RRM2B: variants seen among roughly 807,000 people sequenced by gnomAD.
RRM2B encodes the protein ribonucleotide reductase regulatory TP53 inducible subunit M2B, also known as ribonucleoside-diphosphate reductase subunit M2 B.
RRM2B carries 20 observed loss-of-function variants against 45.9 expected under a neutral mutation model. That is an observed-to-expected ratio of 0.44 (90% CI 0.31 to 0.63). The LOEUF (loss-of-function observed/expected upper bound fraction) is 0.63, where lower values mean the gene tolerates loss of function less well. Among genes scored for constraint, RRM2B ranks in the 30% least tolerant of loss-of-function variants. RRM2B has a pLI of 0.09. For missense variants in RRM2B, 320 were observed against 414.7 expected, an observed-to-expected ratio of 0.77 and a Z score of 1.98; for synonymous variants, 124 against 132.3, an observed-to-expected ratio of 0.94 and a Z score of 0.43.
Position 102,214,342 on chromosome 8 carries a change from C to A in RRM2B, c.685-184G>T. The A allele has an allele frequency of 6.5e-6, 4 of 612,640 alleles. No homozygotes were observed. The South Asian group carries it at 6.9e-5, about 11-fold the overall frequency. 38.0% of individuals were successfully genotyped at this position (612,640 alleles called of 1,614,324 possible). ...ATCTCATTAAATGCCAATACAATAA[C>A]CTATAATAAAAATTTTCAATGCCAG... On this transcript the variant is annotated intron_variant, in intron 6 of 8. Transcript: ENST00000251810.
intron 8 of RRM2B, among the ~76,000 whole-genome samples, chr8:102,209,407 G>C (rs1415045576): frequency 6.6e-6 from 1 of 152,124 alleles, no homozygotes; most frequent in Non-Finnish European, 1.5e-5. Context: ...TTATCCATTA[G>C]AGACATGCAA....
At chr8:102,229,044 A>G (rs1199662586) in intron 2 of RRM2B, among the ~76,000 whole-genome samples, 1 of 152,214 alleles carries the variant, frequency 6.6e-6, no homozygotes, top group East Asian at 1.9e-4. Flanking sequence ...TCATGAGGTC[A>G]AGAGATTGAG....
chr8:102,237,076 C>T (rs886147295), intron 1 of RRM2B, among the ~76,000 whole-genome samples: 4 of 152,192 alleles, frequency 2.6e-5, no homozygotes, highest in African/African-American at 9.6e-5. Flanking sequence ...CAAAGTCTGA[C>T]GGAACCAATG....
intron 5 of RRM2B, 76 bp from the exon 6 acceptor site, chr8:102,219,023 C>A (rs1169489512): frequency 7.3e-7 from 1 of 1,368,716 alleles, no homozygotes; most frequent in African/African-American, 1.4e-5. Flanking sequence ...ACATATATAA[C>A]AATAAATACC....
intron 6 of RRM2B, among the ~76,000 whole-genome samples, chr8:102,217,594 C>A (rs1810752540): frequency 6.6e-6 from 1 of 152,054 alleles, no homozygotes; most frequent in African/African-American, 2.4e-5. Flanking sequence ...AACTGAATGG[C>A]TATAATAGCC....
intron 8 of RRM2B, among the ~76,000 whole-genome samples, chr8:102,208,700 T>A (rs1024610558): frequency 6.6e-6 from 1 of 152,346 alleles, no homozygotes; most frequent in South Asian, 2.1e-4. Context: ...TGGTTCTAAG[T>A]ATGTTTCTTA....
chr8:102,234,403 G>A (rs1811082691), intron 1 of RRM2B, among the ~76,000 whole-genome samples: 1 of 152,128 alleles, frequency 6.6e-6, no homozygotes, highest in African/African-American at 2.4e-5. Context: ...GGCTAGAGAT[G>A]ACGTATTATT....
chr8:102,215,875 G>A (rs1342895378), intron 6 of RRM2B, among the ~76,000 whole-genome samples: 3 of 145,804 alleles, frequency 2.1e-5, no homozygotes, highest in Non-Finnish European at 4.5e-5. Flanking sequence ...AGCCCAGGAG[G>A]TCAAAGCTAC....
intron 2 of RRM2B, among the ~76,000 whole-genome samples, chr8:102,226,966 G>A (rs1401638354): frequency 5.9e-5 from 9 of 151,888 alleles, no homozygotes; most frequent in African/African-American, 1.9e-4. Flanking sequence ...TGTTTGCCTC[G>A]GCCTCCCAAA....
Position 102,232,186 on chromosome 8 carries a change from T to C in RRM2B, c.167A>G (p.Tyr56Cys), listed in dbSNP as rs1811042597. Residue 56 changes from tyrosine to cysteine, a missense_variant, in exon 2 of 9, where the codon TAT (tyrosine) becomes TGT (cysteine). Physicochemically the swap from Tyr to Cys is radical, Grantham distance 194. Around this residue, in one of 3 missense-constraint regions of RRM2B, gnomAD observed 225 missense variants for 289.4 expected, o/e 0.78. Transcript: ENST00000251810. Reference sequence around the variant, plus strand: ...CCAGAAGGAAGCCTGTGCCTGTTTATACATTTTCCAAATATCAGGGTACTG... The same window carrying C: ...CCAGAAGGAAGCCTGTGCCTGTTTACACATTTTCCAAATATCAGGGTACTG... ...PIQYPDIWKM[Y>C]KQAQASFWTA... is the part of the protein sequence containing the mutation. 6.2e-7 allele frequency: 1 copy of C among 1,614,100 alleles called. No individual in the cohort carries two copies. The highest frequency in any genetic ancestry group is 8.5e-7 in the Non-Finnish European group (1 of 1,180,016).
intron 5 of RRM2B, among the ~76,000 whole-genome samples, chr8:102,219,802 T>C (rs766029946): frequency 2.0e-5 from 3 of 152,212 alleles, no homozygotes; most frequent in Admixed American, 6.5e-5. Context: ...TTGAGTGCAC[T>C]ACAAACCGTT....
At chr8:102,212,983 T>G (rs1476520646) in intron 7 of RRM2B, 94 bp from the exon 8 acceptor site, 1 of 733,592 alleles carries the variant, frequency 1.4e-6, no homozygotes, top group Non-Finnish European at 2.5e-6. Context: ...TTTCTAAGAC[T>G]GATTTTGTCC....
intron 7 of RRM2B, 101 bp downstream of exon 7, chr8:102,213,953 G>C (rs886501301): frequency 3.8e-5 from 30 of 795,386 alleles, no homozygotes; most frequent in Non-Finnish European, 6.0e-5. Context: ...AAAATTGCTG[G>C]TATTTTTATT....
intron 8 of RRM2B, among the ~76,000 whole-genome samples, chr8:102,212,132 C>T (rs1261294726): frequency 6.6e-6 from 1 of 152,080 alleles, no homozygotes; most frequent in African/African-American, 2.4e-5. Context: ...AGTGTATCAA[C>T]TCATCAACAA....
In RRM2B at chr8:102,224,865, A is replaced by G; in HGVS notation, c.455+20T>C. 6 of 1,611,210 alleles carry G rather than the reference A, an allele frequency of 3.7e-6. No homozygotes were observed. The highest frequency in any genetic ancestry group is 8.5e-7 in the Non-Finnish European group (1 of 1,177,484). On this transcript the variant is annotated intron_variant, in intron 4 of 8. Coordinates refer to ENST00000251810, the MANE Select transcript of RRM2B (RefSeq NM_015713.5). ...AACCAAGCCGTAAGCAATATTTTGT[A>G]AATAAAATCCCAACAATACCTTTTC...
At chr8:102,228,150 G>A (rs1197313858) in intron 2 of RRM2B, among the ~76,000 whole-genome samples, 2 of 152,182 alleles carry the variant, frequency 1.3e-5, no homozygotes, top group African/African-American at 2.4e-5. Flanking sequence ...TACCAGCAGA[G>A]AAGAGGAGAG....
At chr8:102,228,772 G>T (rs1810977876) in intron 2 of RRM2B, among the ~76,000 whole-genome samples, 1 of 152,236 alleles carries the variant, frequency 6.6e-6, no homozygotes, top group Non-Finnish European at 1.5e-5. Context: ...AGTGGAGTTT[G>T]CCCCTGCCAG....
intron 5 of RRM2B, among the ~76,000 whole-genome samples, chr8:102,219,633 A>G (rs765069440): frequency 2.0e-5 from 3 of 152,232 alleles, no homozygotes; most frequent in African/African-American, 7.2e-5. Flanking sequence ...CAGTGGCATC[A>G]TATCTGTAAC....
Position 102,207,762 on chromosome 8 carries a change from A to C in RRM2B, c.*371T>G, listed in dbSNP as rs1810569019. On this transcript the variant is annotated 3_prime_UTR_variant, in exon 9 of 9. Coordinates refer to ENST00000251810, the MANE Select transcript of RRM2B (RefSeq NM_015713.5). ...TCCTAATCCTAATATCCACTCTATG[A>C]ATTTAGGACCTACTATTACTCCCAT... The C allele has an allele frequency of 5.7e-6, 1 of 176,794 alleles. No individual in the cohort carries two copies. The highest frequency in any genetic ancestry group is 2.4e-5 in the African/African-American group (1 of 41,752). 11.0% of individuals were successfully genotyped at this position (176,794 alleles called of 1,614,324 possible). A position where few individuals can be genotyped will look rare whatever the true frequency, so the allele number is the denominator to read the frequency against.
Sources: gnomAD v4.1 joint callset for allele counts (sites outside exome capture counted in the v4.1 genomes callset) on GRCh38, gnomAD v4.1.1 for gene constraint, gnomAD v4.1.1 regional missense constraint, MANE v1.5 for transcripts, NCBI Gene and HGNC (gene_info 2026-07-23, HGNC 2026-07-21) for gene names.